Variants in AR observed in about 807,000 individuals in gnomAD.
AR encodes androgen receptor, also known as dihydrotestosterone receptor.
In AR, 8 loss-of-function variants were observed where a neutral mutation model predicts 53.9. The observed-to-expected ratio is 0.15, with a 90% CI of 0.09 to 0.27. The LOEUF is 0.27. Among genes scored for constraint, AR ranks in the 10% least tolerant of loss-of-function variants. AR has a pLI of 1.00. For synonymous variants in AR, 359 were observed against 316.4 expected (o/e 1.13, Z -1.43); for missense variants, 639 against 742.5 (o/e 0.86, Z 1.62).
intron 1 of AR, among the ~76,000 whole-genome samples, chrX:67,549,887 TCTC>T (rs1270957978): frequency 1.8e-5 from 2 of 112,058 alleles, no homozygotes; most frequent in Non-Finnish European, 3.8e-5. Flanking sequence ...CCTCTTTCCT[TCTC>T]CTCTCTCCTC....
rs1449594686 is a variant in AR at position 67,544,357 on chromosome X, C to T, written c.-790C>T. ...CTCCTCCTCTCCACCCCGCCTCCCC[C>T]CACCCTGCCTTCCCCCCCTCCCCCG... On this transcript the variant is annotated 5_prime_UTR_variant, in exon 1 of 8. Transcript: ENST00000374690. The T allele has an allele frequency of 8.7e-6, 1 of 115,436 alleles. No individual in the cohort carries two copies. Among genetic ancestry groups the T allele is most frequent in the African/African-American group, 4.0e-5 (1 of 25,025 alleles). 9.5% of individuals were successfully genotyped at this position (115,436 alleles called of 1,213,427 possible). A position where few individuals can be genotyped will look rare whatever the true frequency, so the allele number is the denominator to read the frequency against.
At position 67,721,820 on chromosome X, in the gene AR, A is replaced by T. The variant is rs1438155389; in HGVS notation, c.2319-13A>T. ...CCCCTCATTCCTTTTTCCTCTGTGT[A>T]TCTCCTTCCCAGGTACCGCATGCAC... On this transcript the variant is annotated splice_polypyrimidine_tract_variant and intron_variant, in intron 5 of 7. Coordinates refer to ENST00000374690, the MANE Select transcript of AR (RefSeq NM_000044.6). The T allele has an allele frequency of 3.3e-6, 4 of 1,210,236 alleles. No individual in the cohort carries two copies. The highest frequency in any genetic ancestry group is 4.6e-4 in the Middle Eastern group (2 of 4,321).
rs188873543 is a variant in AR, at chrX:67,590,914, C to T, written c.1616+44152C>T. Among the ~76,000 whole-genome samples, 92 of 111,968 alleles carry T rather than the reference C, an allele frequency of 8.2e-4. 1 individual carries two copies. The highest frequency in any genetic ancestry group is 3.0e-3 in the African/African-American group (91 of 30,828). On this transcript the variant is annotated intron_variant, in intron 1 of 7. Transcript: ENST00000374690. The stretch of plus-strand genomic sequence containing the variant: ...AATGCAAATGACAGGAAATTGGCTG[C>T]GTTCTGAATCCTATTTTTATTTGGG...
At chrX:67,702,588 G>A (rs773567401) in intron 3 of AR, among the ~76,000 whole-genome samples, 69 of 111,847 alleles carry the variant, frequency 6.2e-4, no homozygotes, top group Non-Finnish European at 1.0e-3. Flanking sequence ...AAGTCATCTT[G>A]CACTCAGGGC....
At chrX:67,693,376 T>C (rs967158691) in intron 3 of AR, among the ~76,000 whole-genome samples, 1 of 112,098 alleles carries the variant, frequency 8.9e-6, no homozygotes, top group Non-Finnish European at 1.9e-5. Flanking sequence ...ATAGGCCATA[T>C]ATACAAAAGC....
chrX:67,718,840 G>A (rs904050066), intron 5 of AR, among the ~76,000 whole-genome samples: 1 of 111,521 alleles, frequency 9.0e-6, no homozygotes, highest in African/African-American at 3.3e-5. Context: ...CACCATGTTA[G>A]CCAGGCTGGT....
chrX:67,650,045 C>G (rs962660690), intron 2 of AR, among the ~76,000 whole-genome samples: 4 of 111,678 alleles, frequency 3.6e-5, no homozygotes, highest in Non-Finnish European at 7.5e-5. Context: ...AACCACTGCT[C>G]AAGGCAATAA....
At chrX:67,594,168 A>T (rs1305480140) in intron 1 of AR, among the ~76,000 whole-genome samples, 1 of 111,257 alleles carries the variant, frequency 9.0e-6, no homozygotes, top group Admixed American at 9.5e-5. Context: ...ATTTATTTTA[A>T]TTTTTCATAG....
intron 5 of AR, 148 bp from the exon 6 acceptor site, chrX:67,721,685 A>G: frequency 1.3e-6 from 1 of 792,848 alleles, no homozygotes; most frequent in Non-Finnish European, 1.9e-6. Context: ...CAAACAAAAA[A>G]ACCTTTTCCT....
intron 1 of AR, among the ~76,000 whole-genome samples, chrX:67,630,047 T>C (rs1371418025): frequency 9.0e-6 from 1 of 111,089 alleles, no homozygotes; most frequent in African/African-American, 3.3e-5. Flanking sequence ...TGAGGAGAGC[T>C]TTACTTCCAA....
intron 2 of AR, among the ~76,000 whole-genome samples, chrX:67,650,409 A>G (rs1159651914): frequency 1.8e-5 from 2 of 111,986 alleles, no homozygotes; most frequent in Non-Finnish European, 3.8e-5. Flanking sequence ...CTGGGTGACT[A>G]TCAAACTCTG....
chrX:67,685,434 G>A (rs903193182), intron 2 of AR, among the ~76,000 whole-genome samples: 10 of 111,217 alleles, frequency 9.0e-5, no homozygotes, highest in Non-Finnish European at 1.3e-4. Context: ...TACATAGAGT[G>A]GGCTTTATCT....
At chrX:67,661,533 T>G (rs779885689) in intron 2 of AR, among the ~76,000 whole-genome samples, 1 of 111,967 alleles carries the variant, frequency 8.9e-6, no homozygotes, top group South Asian at 3.8e-4. Context: ...TTTGCGTATA[T>G]TGAACCAGCC....
intron 2 of AR, among the ~76,000 whole-genome samples, chrX:67,651,534 G>A (rs1349341504): frequency 9.0e-6 from 1 of 111,681 alleles, no homozygotes; most frequent in Non-Finnish European, 1.9e-5. Flanking sequence ...GTCAAAGGCA[G>A]CATTCACTCT....
At chrX:67,612,981 A>G (rs1277554715) in intron 1 of AR, among the ~76,000 whole-genome samples, 1 of 111,479 alleles carries the variant, frequency 9.0e-6, no homozygotes, top group Non-Finnish European at 1.9e-5. Flanking sequence ...TTACAGAATC[A>G]CTGTTCTAGG....
rs765346350 is a variant in AR, at chrX:67,722,773, A to G, written c.2450-54A>G. 13 of 1,193,787 alleles carry G rather than the reference A, an allele frequency of 1.1e-5. No homozygotes were observed. In the South Asian group the frequency reaches 1.8e-4, roughly 16 times the overall value. Reference sequence around the variant, plus strand: ...GTCAGAAAACTTGGTGCTTTGTCTAATGCTCCTTCGTGGGCATGCTTCCCC... The same window carrying G: ...GTCAGAAAACTTGGTGCTTTGTCTAGTGCTCCTTCGTGGGCATGCTTCCCC... On this transcript the variant is annotated intron_variant, in intron 6 of 7. Transcript: ENST00000374690.
At chrX:67,709,659 T>C (rs1002826872) in intron 3 of AR, among the ~76,000 whole-genome samples, 1 of 112,018 alleles carries the variant, frequency 8.9e-6, no homozygotes, top group African/African-American at 3.2e-5. Flanking sequence ...GTACCCACTG[T>C]CCAACAAGCC....
At chrX:67,681,451 A>G (rs754639124) in intron 2 of AR, among the ~76,000 whole-genome samples, 1 of 112,229 alleles carries the variant, frequency 8.9e-6, no homozygotes, top group Non-Finnish European at 1.9e-5. Flanking sequence ...TCTTCAGACT[A>G]TAATCACCCA....
At chrX:67,658,791 G>A (rs186493512) in intron 2 of AR, among the ~76,000 whole-genome samples, 63 of 112,170 alleles carry the variant, frequency 5.6e-4, no homozygotes, top group African/African-American at 1.9e-3. Context: ...AGCAGAGGCA[G>A]GAAAACTCAG....
Sources: allele counts gnomAD v4.1 joint callset (sites outside exome capture counted in the v4.1 genomes callset), GRCh38; gene constraint gnomAD v4.1.1; transcripts MANE v1.5; gene names NCBI Gene and HGNC (gene_info 2026-07-23, HGNC 2026-07-21).